The following NINJ2 variants were observed in gnomAD, a reference collection of about 807,000 sequenced individuals.
The protein encoded by NINJ2 is ninjurin-2.
A neutral mutation model predicts 11.7 loss-of-function variants in NINJ2; 12 were observed. That is an observed-to-expected ratio of 1.02 (90% CI 0.66 to 1.66). The LOEUF is 1.66. Among genes scored for constraint, NINJ2 ranks in the 40% most tolerant of loss-of-function variants. The pLI is 0.00. For missense variants in NINJ2, 187 were observed against 181.8 expected, an observed-to-expected ratio of 1.03 and a Z score of -0.16; for synonymous variants, 93 against 76.8, an observed-to-expected ratio of 1.21 and a Z score of -1.10.
chr12:623,975 G>A (rs535519765), intron 1 of NINJ2, among the ~76,000 whole-genome samples: 2 of 152,332 alleles, frequency 1.3e-5, no homozygotes, highest in South Asian at 4.1e-4. Context: ...GGTCAAGGCT[G>A]CAGTGAGCTG....
Position 591,729 on chromosome 12 carries a change from T to C in NINJ2, c.34-25551A>G, listed in dbSNP as rs1158115686. 6.6e-6 allele frequency among the ~76,000 whole-genome samples: 1 copy of C among 152,190 alleles called. No individual in the cohort carries two copies. Among genetic ancestry groups the C allele is most frequent in the Non-Finnish European group, 1.5e-5 (1 of 68,020 alleles). On this transcript the variant is annotated intron_variant, in intron 1 of 3. Coordinates refer to ENST00000305108, the MANE Select transcript of NINJ2 (RefSeq NM_016533.6). The surrounding 1 kb of genome is among the most constrained non-coding windows in gnomAD (Gnocchi z 5.0). ...GGTCCCTTGGGCACGTCTTATCTTA[T>C]CGTGCAGCTGGGCTGGGGGTGCTGC...
At chr12:583,729 C>T (rs1947592109) in intron 1 of NINJ2, among the ~76,000 whole-genome samples, 1 of 152,160 alleles carries the variant, frequency 6.6e-6, no homozygotes, top group African/African-American at 2.4e-5. Context: ...GCGGTCAACC[C>T]CTGCAAAGCC....
rs1201740149 is a variant in NINJ2 at position 618,650 on chromosome 12, CA to C, written c.33+44677del. On this transcript the variant is annotated intron_variant, in intron 1 of 3. Coordinates refer to ENST00000305108, the MANE Select transcript of NINJ2 (RefSeq NM_016533.6). ...CCCAGGGCCCTCTCAGTCATGGCAC[CA>C]GAGCCTCGGGCTCCAAGGAGACTGC... 2.0e-5 allele frequency among the ~76,000 whole-genome samples: 3 copies of C among 152,340 alleles called. No homozygotes were observed. In the East Asian group the frequency reaches 5.8e-4, roughly 29 times the overall value.
In NINJ2 at chr12:581,169, GTGTGTGTCTGTGTGTGTGTCTGTCTC is replaced by G. The variant is rs1331646436; in HGVS notation, c.34-15017_34-14992del. 4.0e-5 allele frequency among the ~76,000 whole-genome samples: 6 copies of G among 150,196 alleles called. No homozygotes were observed. Among genetic ancestry groups the G allele is most frequent in the African/African-American group, 1.5e-4 (6 of 40,624 alleles). On this transcript the variant is annotated intron_variant, in intron 1 of 3. Transcript: ENST00000305108. The surrounding 1 kb of genome is among the most constrained non-coding windows in gnomAD (Gnocchi z 4.9). ...TGTGTGCATGTGTCTCTGTGTGTGT[GTGTGTGTCTGTGTGTGTGTCTGTCTC>G]TGTGTGCGTGTGTGTGTCTATTGTC...
chr12:615,310 A>G (rs565153717), intron 1 of NINJ2, among the ~76,000 whole-genome samples: 3 of 152,234 alleles, frequency 2.0e-5, no homozygotes, highest in East Asian at 3.9e-4. Context: ...TTTCTCTACT[A>G]AGAAACTCTG....
intron 1 of NINJ2, among the ~76,000 whole-genome samples, chr12:579,183 G>A (rs1420486013): frequency 6.6e-6 from 1 of 152,208 alleles, no homozygotes; most frequent in East Asian, 1.9e-4. Context: ...AATGAGAGCT[G>A]AGCCTGCAGT....
intron 1 of NINJ2, among the ~76,000 whole-genome samples, chr12:624,794 G>C (rs1948192745): frequency 7.7e-6 from 1 of 129,488 alleles, no homozygotes; most frequent in Non-Finnish European, 1.6e-5. Context: ...GGGAGACAGA[G>C]TGAGACTCCA....
At chr12:577,228 TG>T (rs1947472621) in intron 1 of NINJ2, among the ~76,000 whole-genome samples, 1 of 151,760 alleles carries the variant, frequency 6.6e-6, no homozygotes, top group Non-Finnish European at 1.5e-5. Context: ...AAGTAGGCTT[TG>T]TGTTAGATGA....
intron 1 of NINJ2, among the ~76,000 whole-genome samples, chr12:608,282 C>T (rs1317495204): frequency 6.6e-6 from 1 of 152,196 alleles, no homozygotes; most frequent in Non-Finnish European, 1.5e-5. Context: ...CATCATCCAA[C>T]GGCCGTCCTT....
intron 1 of NINJ2, chr12:632,244 G>T (rs562607532): frequency 6.6e-6 from 1 of 152,198 alleles, no homozygotes; most frequent in South Asian, 2.1e-4. Flanking sequence ...TCTGAGGCAC[G>T]CTGGTAAGTA....
At chr12:601,792 G>GGA (rs1947877915) in intron 1 of NINJ2, among the ~76,000 whole-genome samples, 1 of 152,198 alleles carries the variant, frequency 6.6e-6, no homozygotes, top group Non-Finnish European at 1.5e-5. Flanking sequence ...CTTGAACCTG[G>GGA]GAGGCGGAGG....
At chr12:621,284 TAAAAAAATTTAAA>T (rs547969880) in intron 1 of NINJ2, among the ~76,000 whole-genome samples, 172 of 150,550 alleles carry the variant, frequency 1.1e-3, no homozygotes, top group African/African-American at 4.0e-3. Flanking sequence ...GCCATCTCTA[TAAAAAAATTTAAA>T]AAAAAAATTA....
chr12:622,891 GC>G (rs2120388909), intron 1 of NINJ2, among the ~76,000 whole-genome samples: 1 of 151,732 alleles, frequency 6.6e-6, no homozygotes, highest in South Asian at 2.1e-4. Flanking sequence ...GGACACCCCC[GC>G]CCAGGTTAGG....
At chr12:593,382 C>T (rs984048214) in intron 1 of NINJ2, among the ~76,000 whole-genome samples, 1 of 152,140 alleles carries the variant, frequency 6.6e-6, no homozygotes, top group Non-Finnish European at 1.5e-5. Context: ...TGGCTCATGC[C>T]TGTGATGAAG....
At chr12:573,506 G>A (rs1245614432) in intron 1 of NINJ2, among the ~76,000 whole-genome samples, 2 of 152,142 alleles carry the variant, frequency 1.3e-5, no homozygotes, top group Non-Finnish European at 2.9e-5. Context: ...TTGAACCTCA[G>A]AGGCGGAGGT....
At position 646,974 on chromosome 12, in the gene NINJ2, G is replaced by A. The variant is rs147829548; in HGVS notation, c.33+16354C>T. ...CAGAGACTCGCTGTTCCAGGATACT[G>A]GGAGCTCTTTCACAGAAGCTTGGAG... On this transcript the variant is annotated intron_variant, in intron 1 of 3. Transcript: ENST00000305108. Among the ~76,000 whole-genome samples, 1,163 of 152,288 alleles carry A rather than the reference G, an allele frequency of 7.6e-3. 5 individuals carry two copies. Among genetic ancestry groups the A allele is most frequent in the South Asian group, 0.015 (74 of 4,828 alleles).
At position 640,635 on chromosome 12, in the gene NINJ2, G is replaced by A. The variant is rs114978276; in HGVS notation, c.33+22693C>T. 2.1e-3 allele frequency among the ~76,000 whole-genome samples: 313 copies of A among 152,048 alleles called. 1 individual carries two copies. Among genetic ancestry groups the A allele is most frequent in the African/African-American group, 7.2e-3 (297 of 41,468 alleles). ...AGCCTCTAGGGTTCAAGTGAGTCTC[G>A]TGCCTCAGCATCCCAAGTAGGGCTA... is the stretch of plus-strand genomic sequence containing the variant. On this transcript the variant is annotated intron_variant, in intron 1 of 3. Coordinates refer to ENST00000305108, the MANE Select transcript of NINJ2 (RefSeq NM_016533.6). The surrounding 1 kb of genome is among the most constrained non-coding windows in gnomAD (Gnocchi z 4.0).
At chr12:568,500 C>A (rs1947331552) in intron 1 of NINJ2, among the ~76,000 whole-genome samples, 1 of 152,208 alleles carries the variant, frequency 6.6e-6, no homozygotes, top group East Asian at 1.9e-4. Flanking sequence ...ACAGGGTGGT[C>A]ATGGGTGCTA....
intron 1 of NINJ2, among the ~76,000 whole-genome samples, chr12:648,867 C>T (rs1937737177): frequency 6.6e-6 from 1 of 152,168 alleles, no homozygotes; most frequent in African/African-American, 2.4e-5. Flanking sequence ...TTTCCTGCCT[C>T]CAGCTTTTTG....
Sources: allele counts gnomAD v4.1 joint callset (sites outside exome capture counted in the v4.1 genomes callset), GRCh38; gene constraint gnomAD v4.1.1; non-coding constraint Gnocchi (gnomAD v3.1); transcripts MANE v1.5; gene names NCBI Gene and HGNC (gene_info 2026-07-23, HGNC 2026-07-21).